FHOD3: variants seen among roughly 807,000 people sequenced by gnomAD.
The protein encoded by FHOD3 is FH1/FH2 domain-containing protein 3.
In FHOD3, 90 loss-of-function variants were observed where a neutral mutation model predicts 173.0. The observed-to-expected ratio is 0.52, with a 90% CI of 0.44 to 0.62. The LOEUF (loss-of-function observed/expected upper bound fraction) is 0.62. Among genes scored for constraint, FHOD3 ranks in the 20% least tolerant of loss-of-function variants. The pLI, the probability that FHOD3 is intolerant of heterozygous loss-of-function variation, is 0.00. For synonymous variants in FHOD3, 828 were observed against 823.0 expected (o/e 1.01, Z -0.10); for missense variants, 1,945 against 2,034.7 (o/e 0.96, Z 0.85).
Position 36,730,809 on chromosome 18 carries a change from G to A in FHOD3, c.3576+5G>A. 1 of 1,613,316 alleles carries A rather than the reference G, an allele frequency of 6.2e-7. No homozygotes were observed. ...TTAAACAAAGAAGGAATCGAGGTGA[G>A]GGAAGCTCTATTAAGCATTATTTGT... is the stretch of plus-strand genomic sequence containing the variant. On this transcript the variant is annotated splice_donor_5th_base_variant and intron_variant, in intron 20 of 28. Transcript: ENST00000590592.
intron 3 of FHOD3, among the ~76,000 whole-genome samples, chr18:36,433,482 T>C (rs755241856): frequency 6.6e-6 from 1 of 152,192 alleles, no homozygotes; most frequent in Non-Finnish European, 1.5e-5. Context: ...GAAAATAGGT[T>C]AACAAATTTA....
At chr18:36,401,268 C>T (rs1362624289) in intron 3 of FHOD3, among the ~76,000 whole-genome samples, 1 of 152,184 alleles carries the variant, frequency 6.6e-6, no homozygotes, top group Non-Finnish European at 1.5e-5. Flanking sequence ...TTGTTAACCA[C>T]TTTCCCCTTC....
intron 14 of FHOD3, among the ~76,000 whole-genome samples, chr18:36,659,970 G>T (rs2036673973): frequency 6.6e-6 from 1 of 152,160 alleles, no homozygotes; most frequent in Non-Finnish European, 1.5e-5. Context: ...AACCAGGAAT[G>T]GTAGAATTGG....
chr18:36,395,245 A>G (rs2048497502), intron 3 of FHOD3, among the ~76,000 whole-genome samples: 1 of 150,362 alleles, frequency 6.7e-6, no homozygotes, highest in African/African-American at 2.4e-5. Flanking sequence ...TGAACCTGGG[A>G]GGCGGAGCTT....
intron 28 of FHOD3, chr18:36,778,412 C>T (rs1423895140): frequency 6.6e-6 from 1 of 152,230 alleles, no homozygotes; most frequent in Admixed American, 6.5e-5. Context: ...ATACCCCAAA[C>T]TCTGTGCGAA....
chr18:36,763,384 G>A (rs528247347), intron 27 of FHOD3, among the ~76,000 whole-genome samples: 38 of 141,852 alleles, frequency 2.7e-4, no homozygotes, highest in Non-Finnish European at 5.1e-4. Context: ...TATTATACAC[G>A]TTATATACAA....
chr18:36,718,275 C>G lies in FHOD3; in HGVS notation c.2977C>G (p.Gln993Glu). 1 of 1,614,116 alleles carries G rather than the reference C, an allele frequency of 6.2e-7. No individual in the cohort carries two copies. The highest frequency in any genetic ancestry group is 8.5e-7 in the Non-Finnish European group (1 of 1,180,016). ...LMANPRELRI[Q>E]DMDFTDLGEE... The stretch of plus-strand genomic sequence containing the variant: ...GGCCAATCCAAGAGAGCTCAGAATC[C>G]AAGACATGGATTTCACTGACCTGGG... Residue 993 changes from glutamine (Q) to glutamate (E), a missense_variant, in exon 19 of 29, where the codon CAA (glutamine) becomes GAA (glutamate). Gln to Glu is a conservative substitution (Grantham distance 29, BLOSUM62 2). Transcript: ENST00000590592.
At position 36,658,912 on chromosome 18, in the gene FHOD3, G is replaced by A. The variant is rs532663105; in HGVS notation, c.1835+724G>A. Among the ~76,000 whole-genome samples, 13 of 152,260 alleles carry A rather than the reference G, an allele frequency of 8.5e-5. 1 individual carries two copies. The South Asian group carries it at 1.5e-3, about 17-fold the overall frequency. On this transcript the variant is annotated intron_variant, in intron 14 of 28. Coordinates refer to ENST00000590592, the MANE Select transcript of FHOD3 (RefSeq NM_001281740.3). ...ATACCTTAGAGGGTGATTTTGATGA[G>A]CAAACAAAAGTCCACTCGGGAGTGC...
At chr18:36,475,557 C>G (rs2053519095) in intron 3 of FHOD3, among the ~76,000 whole-genome samples, 1 of 152,014 alleles carries the variant, frequency 6.6e-6, no homozygotes, top group Non-Finnish European at 1.5e-5. Flanking sequence ...GAAGGACTTG[C>G]CATCAAAATC....
chr18:36,592,622 A>G (rs2059261253), intron 6 of FHOD3, among the ~76,000 whole-genome samples: 1 of 152,182 alleles, frequency 6.6e-6, no homozygotes, highest in Non-Finnish European at 1.5e-5. Flanking sequence ...GGTTTGGAGA[A>G]TGGACTTCAG....
At chr18:36,439,535 G>A (rs1015250631) in intron 3 of FHOD3, among the ~76,000 whole-genome samples, 29 of 146,376 alleles carry the variant, frequency 2.0e-4, no homozygotes, top group South Asian at 6.3e-4. Flanking sequence ...GTGTGTGTGT[G>A]TGTGTGTGTG....
intron 1 of FHOD3, among the ~76,000 whole-genome samples, chr18:36,342,714 G>C (rs190171242): frequency 2.6e-5 from 4 of 152,138 alleles, no homozygotes; most frequent in Non-Finnish European, 5.9e-5. Context: ...GCCTCAAAGG[G>C]CATCATCAGA....
chr18:36,393,988 CAAG>C (rs1411510016), intron 3 of FHOD3, among the ~76,000 whole-genome samples: 5 of 152,078 alleles, frequency 3.3e-5, no homozygotes, highest in Admixed American at 3.3e-4. Context: ...ATTTAAATAA[CAAG>C]AAGGGGCTGA....
At chr18:36,667,595 G>A (rs1031111316) in intron 14 of FHOD3, among the ~76,000 whole-genome samples, 2 of 152,022 alleles carry the variant, frequency 1.3e-5, no homozygotes, top group East Asian at 1.9e-4. Context: ...AAGTATTTCC[G>A]TATCTAAACA....
At chr18:36,407,128 C>T (rs1391149493) in intron 3 of FHOD3, among the ~76,000 whole-genome samples, 2 of 152,174 alleles carry the variant, frequency 1.3e-5, no homozygotes, top group South Asian at 2.1e-4. Flanking sequence ...GTTTCCTCCT[C>T]CAAGGACTAC....
chr18:36,313,030 G>A (rs59660673), intron 1 of FHOD3, among the ~76,000 whole-genome samples: 13,200 of 152,142 alleles, frequency 0.087, 1,857 homozygotes, highest in African/African-American at 0.3. Flanking sequence ...CTCCTTGGGT[G>A]TCTCTCTTCA....
At chr18:36,561,959 GTGTATTGTATTGTATTGTATTGTAT>G (rs36233913) in intron 5 of FHOD3, among the ~76,000 whole-genome samples, 3,435 of 127,166 alleles carry the variant, frequency 0.027, 56 homozygotes, top group Middle Eastern at 0.067. Flanking sequence ...CTACTACACT[GTGTATTGTATTGTATTGTATTGTAT>G]TGTATTGTAT....
intron 7 of FHOD3, among the ~76,000 whole-genome samples, chr18:36,600,858 G>C (rs574046536): frequency 2.6e-5 from 4 of 152,168 alleles, no homozygotes; most frequent in Admixed American, 6.5e-5. Context: ...TCTTAGTTTC[G>C]ATACTTTCTC....
rs1482521929 is a variant in FHOD3, at chr18:36,563,925, C to T, written c.512-12526C>T. Among the ~76,000 whole-genome samples the T allele has an allele frequency of 7.2e-5, 11 of 152,054 alleles. No homozygotes were observed. In the South Asian group the frequency reaches 8.3e-4, roughly 11 times the overall value. ...TCCACTCTGCTTGGGCTTAATTACT[C>T]GTCTCTACACCTTGTGTTCATTGTC... On this transcript the variant is annotated intron_variant, in intron 5 of 28. Coordinates refer to ENST00000590592, the MANE Select transcript of FHOD3 (RefSeq NM_001281740.3).
Sources: gnomAD v4.1 joint callset for allele counts (sites outside exome capture counted in the v4.1 genomes callset) on GRCh38, gnomAD v4.1.1 for gene constraint, MANE v1.5 for transcripts, NCBI Gene and HGNC (gene_info 2026-07-23, HGNC 2026-07-21) for gene names.